The following SRGAP3 variants were observed in gnomAD, a reference collection of about 807,000 sequenced individuals.
SRGAP3 encodes the protein SLIT-ROBO Rho GTPase-activating protein 3.
A neutral mutation model predicts 121.1 loss-of-function variants in SRGAP3; 39 were observed. The ratio of observed to expected loss-of-function variants is 0.32; its 90% CI spans 0.25 to 0.42. The LOEUF is 0.42. SRGAP3 is among the 10% of genes least tolerant of loss of function. SRGAP3 has a pLI of 1.00. For missense variants in SRGAP3, 1,213 were observed against 1,470.6 expected, an observed-to-expected ratio of 0.82 and a Z score of 2.86; for synonymous variants, 601 against 570.0, an observed-to-expected ratio of 1.05 and a Z score of -0.77.
intron 1 of SRGAP3, among the ~76,000 whole-genome samples, chr3:9,175,531 G>A (rs969138448): frequency 1.3e-5 from 2 of 152,202 alleles, no homozygotes; most frequent in Non-Finnish European, 2.9e-5. Flanking sequence ...GACCCAGCAC[G>A]GGGAGCCCTC....
intron 18 of SRGAP3, among the ~76,000 whole-genome samples, chr3:9,003,407 A>G (rs867087057): frequency 4.6e-5 from 7 of 152,288 alleles, no homozygotes; most frequent in Admixed American, 2.0e-4. Context: ...TGAACCCAGG[A>G]GGCAGAGGTT....
chr3:9,356,210 T>TTTTTTTTG (rs1559291019), intron 1 of SRGAP3, among the ~76,000 whole-genome samples: 1 of 139,956 alleles, frequency 7.1e-6, no homozygotes. Context: ...TTTTTTTTTT[T>TTTTTTTTG]TGAGACAGGA....
At chr3:9,092,033 G>T (rs891491202) in intron 3 of SRGAP3, among the ~76,000 whole-genome samples, 1 of 152,152 alleles carries the variant, frequency 6.6e-6, no homozygotes, top group Non-Finnish European at 1.5e-5. Context: ...CCACCTGGAC[G>T]TTCTTGGCAG....
intron 1 of SRGAP3, among the ~76,000 whole-genome samples, chr3:9,171,259 G>A (rs924877481): frequency 6.6e-6 from 1 of 152,326 alleles, no homozygotes; most frequent in East Asian, 1.9e-4. Flanking sequence ...AGCTGCCCTC[G>A]AAACATCCAA....
intron 18 of SRGAP3, among the ~76,000 whole-genome samples, chr3:9,009,800 A>C (rs1943268473): frequency 6.6e-6 from 1 of 152,046 alleles, no homozygotes; most frequent in Admixed American, 6.5e-5. Flanking sequence ...AGGGTGCCCA[A>C]TGCACCAGAC....
At position 8,984,340 on chromosome 3, in the gene SRGAP3, T is replaced by C; in HGVS notation, c.*1179A>G. 1 of 230,826 alleles carries C rather than the reference T, an allele frequency of 4.3e-6. No homozygotes were observed. Among genetic ancestry groups the C allele is most frequent in the Admixed American group, 5.7e-5 (1 of 17,696 alleles). 14.3% of individuals were successfully genotyped at this position (230,826 alleles called of 1,614,324 possible). Reference sequence around the variant, plus strand: ...TCATGCAAGACGGCACCAGCCACAGTGCATCACAGCCTGATTTAAAATGAA... The same window carrying C: ...TCATGCAAGACGGCACCAGCCACAGCGCATCACAGCCTGATTTAAAATGAA... On this transcript the variant is annotated 3_prime_UTR_variant, in exon 22 of 22. Transcript: ENST00000383836.
chr3:9,243,964 C>A (rs1450435177), intron 1 of SRGAP3, among the ~76,000 whole-genome samples: 1 of 152,208 alleles, frequency 6.6e-6, no homozygotes, highest in Non-Finnish European at 1.5e-5. Flanking sequence ...GGCTCACATT[C>A]CTGCCTAGGA....
chr3:9,216,685 G>A (rs1397297616), intron 1 of SRGAP3: 1 of 152,592 alleles, frequency 6.6e-6, no homozygotes, highest in Admixed American at 6.5e-5. Context: ...GGTACTGAGG[G>A]GCCAAGTCAC....
intron 1 of SRGAP3, among the ~76,000 whole-genome samples, chr3:9,208,065 T>C (rs973020333): frequency 1.3e-5 from 2 of 152,142 alleles, no homozygotes; most frequent in African/African-American, 4.8e-5. Flanking sequence ...AGTGAGTCCT[T>C]TGAGTGCAGG....
chr3:9,193,001 A>C (rs1951805632), intron 1 of SRGAP3: 1 of 152,350 alleles, frequency 6.6e-6, no homozygotes, highest in African/African-American at 2.4e-5. Context: ...TCCAGGTAAG[A>C]GCTGGTGGGC....
chr3:9,245,862 T>G (rs1290539610), intron 1 of SRGAP3, among the ~76,000 whole-genome samples: 2 of 152,122 alleles, frequency 1.3e-5, no homozygotes, highest in Admixed American at 1.3e-4. Context: ...AGGCGGAGAT[T>G]GCAGTGAGTC....
intron 1 of SRGAP3, among the ~76,000 whole-genome samples, chr3:9,169,316 G>C (rs1372446840): frequency 1.3e-5 from 2 of 152,194 alleles, no homozygotes; most frequent in Non-Finnish European, 2.9e-5. Flanking sequence ...TTGACAGTCT[G>C]GTGGGAGAGG....
intron 2 of SRGAP3, among the ~76,000 whole-genome samples, chr3:9,115,557 T>C (rs1004250448): frequency 2.0e-5 from 3 of 152,082 alleles, no homozygotes; most frequent in East Asian, 1.9e-4. Flanking sequence ...GATGGAAACA[T>C]TGGAAAGAGA....
intron 12 of SRGAP3, among the ~76,000 whole-genome samples, chr3:9,029,991 A>T (rs561338730): frequency 2.8e-3 from 307 of 109,226 alleles, no homozygotes; most frequent in African/African-American, 8.1e-3. Flanking sequence ...AAAAAAAAAA[A>T]TTATTTTTTA....
intron 1 of SRGAP3, among the ~76,000 whole-genome samples, chr3:9,360,760 C>A (rs1318145432): frequency 6.6e-6 from 1 of 152,164 alleles, no homozygotes; most frequent in African/African-American, 2.4e-5. Context: ...CAGGGAATCA[C>A]CCCCATGATT....
chr3:9,211,670 T>C (rs945441331), intron 1 of SRGAP3, among the ~76,000 whole-genome samples: 75 of 148,798 alleles, frequency 5.0e-4, no homozygotes, highest in Non-Finnish European at 5.5e-4. Flanking sequence ...CTTTTCTTTT[T>C]TTTTTTTTTT....
chr3:9,345,938 T>C (rs1460292748), intron 1 of SRGAP3, among the ~76,000 whole-genome samples: 2 of 152,186 alleles, frequency 1.3e-5, no homozygotes, highest in African/African-American at 4.8e-5. Flanking sequence ...CAAGAAGAGA[T>C]TTTTAAATCC....
chr3:8,982,518 C>T lies in SRGAP3; in HGVS notation c.*3001G>A. 4.5e-6 allele frequency: 1 copy of T among 222,730 alleles called. No individual in the cohort carries two copies. The allele number at this position is 222,730 out of a possible 1,614,324, so 13.8% of individuals were successfully genotyped here. On this transcript the variant is annotated 3_prime_UTR_variant, in exon 22 of 22. Transcript: ENST00000383836. Reference sequence around the variant, plus strand: ...GCATTGGCTAAAATTTAATTGTAGCCTTTTTAAAAATTACAATTTCACATT... The same window carrying T: ...GCATTGGCTAAAATTTAATTGTAGCTTTTTTAAAAATTACAATTTCACATT...
chr3:9,255,263 C>T (rs1195965133), intron 3 of SRGAP3, among the ~76,000 whole-genome samples: 1 of 152,182 alleles, frequency 6.6e-6, no homozygotes, highest in Non-Finnish European at 1.5e-5. Flanking sequence ...TAAACAGCAG[C>T]TCACAGAAAG....
Sources: allele counts gnomAD v4.1 joint callset (sites outside exome capture counted in the v4.1 genomes callset), GRCh38; gene constraint gnomAD v4.1.1; transcripts MANE v1.5; gene names NCBI Gene and HGNC (gene_info 2026-07-23, HGNC 2026-07-21).